Variants in CCDC18 observed in about 807,000 individuals in gnomAD.
CCDC18 encodes the protein coiled-coil domain-containing protein 18.
A neutral mutation model predicts 196.0 loss-of-function variants in CCDC18; 157 were observed. The ratio of observed to expected loss-of-function variants is 0.80; its 90% CI spans 0.70 to 0.91. The LOEUF is 0.91. Among genes scored for constraint, CCDC18 ranks in the 40% least tolerant of loss-of-function variants. CCDC18 has a pLI of 0.00. For synonymous variants in CCDC18, 482 were observed against 529.2 expected (o/e 0.91, Z 1.22); for missense variants, 1,465 against 1,611.6 (o/e 0.91, Z 1.56).
chr1:93,188,720 C>T (rs1192012117), intron 4 of CCDC18, among the ~76,000 whole-genome samples: 1 of 152,144 alleles, frequency 6.6e-6, no homozygotes, highest in African/African-American at 2.4e-5. Flanking sequence ...TTTAAAACTG[C>T]ACAACAAGTT....
chr1:93,205,032 C>A (rs904154243), intron 7 of CCDC18, among the ~76,000 whole-genome samples: 1 of 152,026 alleles, frequency 6.6e-6, no homozygotes, highest in Non-Finnish European at 1.5e-5. Flanking sequence ...CAATGCTCAG[C>A]AAAGCCCTAT....
intron 23 of CCDC18, among the ~76,000 whole-genome samples, chr1:93,253,013 T>C (rs1036722638): frequency 8.5e-5 from 13 of 152,330 alleles, no homozygotes; most frequent in African/African-American, 3.1e-4. Context: ...GATGGGCATG[T>C]TTCCCAGCAA....
At chr1:93,247,754 G>A (rs1661674933) in intron 23 of CCDC18, among the ~76,000 whole-genome samples, 1 of 151,816 alleles carries the variant, frequency 6.6e-6, no homozygotes, top group Non-Finnish European at 1.5e-5. Flanking sequence ...GGAGTTTTCA[G>A]GTTTTTCCAA....
intron 2 of CCDC18, 122 bp downstream of exon 2, chr1:93,183,617 T>A: frequency 1.5e-6 from 1 of 681,970 alleles, no homozygotes; most frequent in Non-Finnish European, 2.2e-6. Context: ...AATTTTCTTA[T>A]ACTTTTTAAT....
chr1:93,217,799 G>C lies in CCDC18; in HGVS notation c.1892G>C (p.Cys631Ser), dbSNP rs751989829. Residue 631 changes from cysteine to serine, a missense_variant, in exon 14 of 29, where the codon TGT (cysteine) becomes TCT (serine). Physicochemically the swap from Cys to Ser is moderately radical, Grantham distance 112. Coordinates refer to ENST00000690025, the MANE Select transcript of CCDC18 (RefSeq NM_001378204.1). ...TNINTEHEKI[C>S]LAFEKAKKIH... ...ATTAATACAGAGCATGAGAAAATTTGTTTAGCCTTTGAAAAAGCAAAGAAA... is the reference window on the plus strand; with the variant it reads ...ATTAATACAGAGCATGAGAAAATTTCTTTAGCCTTTGAAAAAGCAAAGAAA... The C allele has an allele frequency of 6.2e-7, 1 of 1,611,162 alleles. No individual in the cohort carries two copies. Among genetic ancestry groups the C allele is most frequent in the Non-Finnish European group, 8.5e-7 (1 of 1,177,494 alleles).
chr1:93,213,206 G>A (rs1179311841), intron 11 of CCDC18, among the ~76,000 whole-genome samples: 1 of 151,930 alleles, frequency 6.6e-6, no homozygotes, highest in Non-Finnish European at 1.5e-5. Flanking sequence ...ATGGGCCATG[G>A]ACTGGTACCA....
chr1:93,239,983 T>G, intron 21 of CCDC18, 87 bp downstream of exon 21: 1 of 936,362 alleles, frequency 1.1e-6, no homozygotes, highest in East Asian at 2.6e-5. Flanking sequence ...GACGTCTAAA[T>G]TTCTCAACTG....
At chr1:93,240,762 G>A (rs1239432008) in intron 21 of CCDC18, among the ~76,000 whole-genome samples, 1 of 152,088 alleles carries the variant, frequency 6.6e-6, no homozygotes, top group African/African-American at 2.4e-5. Context: ...CCAACTAGTT[G>A]TTACCTCCAT....
chr1:93,229,191 A>T lies in CCDC18; in HGVS notation c.2292+2742A>T, dbSNP rs1197415162. Among the ~76,000 whole-genome samples the T allele has an allele frequency of 2.6e-5, 4 of 152,364 alleles. No individual in the cohort carries two copies. The East Asian group carries it at 5.8e-4, about 22-fold the overall frequency. On this transcript the variant is annotated intron_variant, in intron 17 of 28. Coordinates refer to ENST00000690025, the MANE Select transcript of CCDC18 (RefSeq NM_001378204.1). ...TATTTGACCAGACTAGGGAGTAAGT[A>T]AATTAGAAAGATTTGCAAGCTCATT...
At chr1:93,181,639 C>A (rs553930386) in intron 1 of CCDC18, among the ~76,000 whole-genome samples, 1 of 151,172 alleles carries the variant, frequency 6.6e-6, no homozygotes, top group African/African-American at 2.4e-5. Context: ...TTTTTGAGAC[C>A]GAGTCTCACT....
chr1:93,242,897 C>A (rs1287020313), intron 21 of CCDC18, among the ~76,000 whole-genome samples: 1 of 152,208 alleles, frequency 6.6e-6, no homozygotes, highest in African/African-American at 2.4e-5. Flanking sequence ...AGGTGGGTTT[C>A]CTTGGTCTTG....
chr1:93,240,094 T>C (rs1378253769), intron 21 of CCDC18, among the ~76,000 whole-genome samples, 198 bp downstream of exon 21: 1 of 152,210 alleles, frequency 6.6e-6, no homozygotes. Context: ...CCTCAGTCTT[T>C]AGACCATTTT....
chr1:93,181,775 C>T (rs1252827014), intron 1 of CCDC18, among the ~76,000 whole-genome samples: 3 of 152,066 alleles, frequency 2.0e-5, no homozygotes, highest in Non-Finnish European at 4.4e-5. Context: ...CCACCACCCC[C>T]GGCTAATTTT....
At position 93,186,439 on chromosome 1, in the gene CCDC18, A is replaced by C. The variant is rs1485148386; in HGVS notation, c.398A>C (p.Gln133Pro). The change falls in exon 4 of 29, where the codon CAG becomes CCG. Residue 133 changes from glutamine (Q) to proline (P), a missense_variant. Transcript: ENST00000690025. ...CAACAGAATGCTTGTTTGGTCACAC[A>C]GAATCATTCCTTAATGACTAAATTT... ...LRQQNACLVTQNHSLMTKFES... is the reference protein window; with the variant it reads ...LRQQNACLVTPNHSLMTKFES... 6.2e-7 allele frequency: 1 copy of C among 1,611,654 alleles called. No homozygotes were observed. The highest frequency in any genetic ancestry group is 8.5e-7 in the Non-Finnish European group (1 of 1,178,384).
intron 12 of CCDC18, 66 bp downstream of exon 12, chr1:93,215,032 G>T: frequency 1.9e-6 from 2 of 1,039,742 alleles, no homozygotes; most frequent in Non-Finnish European, 2.7e-6. Context: ...ATTATTTTAG[G>T]GTTTTATAAA....
intron 17 of CCDC18, among the ~76,000 whole-genome samples, chr1:93,227,965 A>ATATATAT (rs1488905280): frequency 2.2e-4 from 25 of 115,344 alleles, no homozygotes; most frequent in African/African-American, 1.2e-3. Flanking sequence ...CTCAAAAAAA[A>ATATATAT]AAAAAAATAT....
rs577865947 is a variant in CCDC18 at position 93,238,866 on chromosome 1, TA to T, written c.2604-437del. Among the ~76,000 whole-genome samples, 176 of 152,134 alleles carry T rather than the reference TA, an allele frequency of 1.2e-3. 1 individual carries two copies. Among genetic ancestry groups the T allele is most frequent in the African/African-American group, 4.0e-3 (168 of 41,540 alleles). ...AGGAATCTCTAGTTCCTTTTAAAGC[TA>T]AAAAAAGGATAGAACCAATAATAAA... On this transcript the variant is annotated intron_variant, in intron 19 of 28. Transcript: ENST00000690025.
In CCDC18 at chr1:93,239,643, G is replaced by A. The variant is rs762073541; in HGVS notation, c.2768-40G>A. ...ATATATACAAAGTTTGTAATAAATG[G>A]TTTACATATAGTTATAAAATTATTC... On this transcript the variant is annotated intron_variant, in intron 20 of 28. Transcript: ENST00000690025. 2.1e-6 allele frequency: 3 copies of A among 1,443,400 alleles called. No individual in the cohort carries two copies. In the East Asian group the frequency reaches 6.8e-5, roughly 33 times the overall value. The allele number at this position is 1,443,400 out of a possible 1,614,324, so 89.4% of individuals were successfully genotyped here. A position where few individuals can be genotyped will look rare whatever the true frequency, so the allele number is the denominator to read the frequency against.
chr1:93,234,224 C>T (rs1490405354), intron 18 of CCDC18, among the ~76,000 whole-genome samples: 5 of 151,232 alleles, frequency 3.3e-5, no homozygotes, highest in Admixed American at 6.6e-5. Context: ...TGCAGTGGTG[C>T]GATCTTGGCT....
Sources: gnomAD v4.1 joint callset for allele counts (sites outside exome capture counted in the v4.1 genomes callset) on GRCh38, gnomAD v4.1.1 for gene constraint, MANE v1.5 for transcripts, NCBI Gene and HGNC (gene_info 2026-07-23, HGNC 2026-07-21) for gene names.